CRACR2A: variants seen among roughly 807,000 people sequenced by gnomAD.
CRACR2A encodes EF-hand calcium-binding domain-containing protein 4B.
A neutral mutation model predicts 90.5 loss-of-function variants in CRACR2A; 79 were observed. The ratio of observed to expected loss-of-function variants is 0.87; its 90% CI spans 0.73 to 1.05. The LOEUF is 1.05. Among genes scored for constraint, CRACR2A ranks in the 50% least tolerant of loss-of-function variants. The pLI, the probability that CRACR2A is intolerant of heterozygous loss-of-function variation, is 0.00. For synonymous variants in CRACR2A, 338 were observed against 356.7 expected (o/e 0.95, Z 0.59); for missense variants, 823 against 897.2 (o/e 0.92, Z 1.06).
intron 11 of CRACR2A, among the ~76,000 whole-genome samples, chr12:3,645,150 T>G (rs10774162): frequency 0.86 from 131,079 of 152,254 alleles, 56,615 homozygotes; most frequent in East Asian, 1. Context: ...TTAGTGGAGG[T>G]ATAACTGTTA....
In CRACR2A at chr12:3,659,822, C is replaced by T. The variant is rs368149630; in HGVS notation, c.672-168G>A. Among the ~76,000 whole-genome samples, 6 of 152,222 alleles carry T rather than the reference C, an allele frequency of 3.9e-5. 1 individual carries two copies. The highest frequency in any genetic ancestry group is 3.3e-4 in the Admixed American group (5 of 15,298). ...ATCAGTCCCTCATGATCAGCTAACCCGACAAGGGATGCAGACCACAGAGGC... is the reference window on the plus strand; with the variant it reads ...ATCAGTCCCTCATGATCAGCTAACCTGACAAGGGATGCAGACCACAGAGGC... On this transcript the variant is annotated intron_variant, in intron 7 of 19. Transcript: ENST00000440314.
At chr12:3,695,831 CA>C (rs1945729805) in intron 4 of CRACR2A, among the ~76,000 whole-genome samples, 1 of 152,188 alleles carries the variant, frequency 6.6e-6, no homozygotes, top group African/African-American at 2.4e-5. Context: ...CACCCATGTT[CA>C]AGTGAAATCT....
chr12:3,654,306 C>A lies in CRACR2A; in HGVS notation c.952G>T (p.Glu318Ter). Residue 318 changes from glutamate (E) to a stop codon, truncating the protein, a stop_gained, in exon 10 of 20, where the codon GAG becomes TAG. Coordinates refer to ENST00000440314, the MANE Select transcript of CRACR2A (RefSeq NM_001144958.2). LOFTEE classifies it high-confidence loss of function. ...LKLTNQELAR[E>*]LERTSWELQD... is the part of the protein sequence containing the mutation. ...AGCTCCCAGGAAGTCCGCTCCAGCT[C>A]CCGGGCCAGCTCCTGGTTAGTGAGT... 6.2e-7 allele frequency: 1 copy of A among 1,614,046 alleles called. No homozygotes were observed. The highest frequency in any genetic ancestry group is 2.2e-5 in the East Asian group (1 of 44,872).
At chr12:3,648,257 G>A (rs1944726111) in intron 11 of CRACR2A, 1 of 1,310,936 alleles carries the variant, frequency 7.6e-7, no homozygotes, top group South Asian at 2.6e-5. Flanking sequence ...CTGCTCGCAT[G>A]AGATCAAGTA....
intron 6 of CRACR2A, among the ~76,000 whole-genome samples, chr12:3,678,315 C>G (rs1006596670): frequency 1.3e-5 from 2 of 152,118 alleles, no homozygotes; most frequent in African/African-American, 4.8e-5. Context: ...AGATCTCAGC[C>G]ATCTACAATT....
In CRACR2A at chr12:3,746,079, T is replaced by C. The variant is rs959816992; in HGVS notation, c.-387+6936A>G. Among the ~76,000 whole-genome samples the C allele has an allele frequency of 6.6e-6, 1 of 152,200 alleles. No homozygotes were observed. Among genetic ancestry groups the C allele is most frequent in the African/African-American group, 2.4e-5 (1 of 41,456 alleles). On this transcript the variant is annotated intron_variant, in intron 1 of 19. Transcript: ENST00000440314. The surrounding 1 kb of genome is among the most constrained non-coding windows in gnomAD (Gnocchi z 4.4). ...TGCTTCCCAGCCTGGGCTGTACTTC[T>C]AGGTGCAGCTCAAATCCTACCTCCT...
intron 14 of CRACR2A, among the ~76,000 whole-genome samples, chr12:3,635,765 C>CAA (rs1338121522): frequency 3.9e-5 from 6 of 152,058 alleles, no homozygotes; most frequent in Admixed American, 3.9e-4. Context: ...CATGGCCTCC[C>CAA]AAAGTGCTGG....
At chr12:3,735,312 G>A (rs965181350) in intron 1 of CRACR2A, among the ~76,000 whole-genome samples, 3 of 152,188 alleles carry the variant, frequency 2.0e-5, no homozygotes, top group South Asian at 2.1e-4. Context: ...CAGGGTGCAC[G>A]CAAGCCTGTG....
chr12:3,742,636 T>G (rs977943049), intron 1 of CRACR2A, among the ~76,000 whole-genome samples: 1 of 152,218 alleles, frequency 6.6e-6, no homozygotes. Context: ...GTAGGCACAT[T>G]CTACAGCCTG....
At chr12:3,645,203 T>C (rs568572745) in intron 11 of CRACR2A, among the ~76,000 whole-genome samples, 1 of 152,134 alleles carries the variant, frequency 6.6e-6, no homozygotes, top group Admixed American at 6.5e-5. Context: ...GAAGCCAGAG[T>C]GTGGAGTAGT....
At chr12:3,710,086 T>C (rs1436400993) in intron 3 of CRACR2A, among the ~76,000 whole-genome samples, 1 of 152,180 alleles carries the variant, frequency 6.6e-6, no homozygotes, top group Non-Finnish European at 1.5e-5. Context: ...CTGTCTAAAA[T>C]GCAGACCTGA....
chr12:3,645,462 C>T (rs1944666648), intron 11 of CRACR2A, among the ~76,000 whole-genome samples: 1 of 151,872 alleles, frequency 6.6e-6, no homozygotes, highest in African/African-American at 2.4e-5. Context: ...GGACACTGTA[C>T]GAACTTTGAT....
rs191232498 is a variant in CRACR2A, at chr12:3,648,055, C to T, written c.1118+487G>A. On this transcript the variant is annotated intron_variant, in intron 11 of 19. Coordinates refer to ENST00000440314, the MANE Select transcript of CRACR2A (RefSeq NM_001144958.2). ...TCAACAAACATGAACAGAACACAGCCGAGTTACGGATTTCCATTCTGGCCC... is the reference window on the plus strand; with the variant it reads ...TCAACAAACATGAACAGAACACAGCTGAGTTACGGATTTCCATTCTGGCCC... 3.2e-4 allele frequency: 321 copies of T among 991,450 alleles called. 1 individual carries two copies. In the African/African-American group the frequency reaches 4.8e-3, roughly 15 times the overall value. The allele number at this position is 991,450 out of a possible 1,614,324, so 61.4% of individuals were successfully genotyped here. A position where few individuals can be genotyped will look rare whatever the true frequency, so the allele number is the denominator to read the frequency against.
chr12:3,619,523 G>T (rs10437826), intron 17 of CRACR2A, among the ~76,000 whole-genome samples, 151 bp from the exon 18 acceptor site: 86,109 of 152,006 alleles, frequency 0.57, 24,770 homozygotes, highest in African/African-American at 0.66. Context: ...CCTGAAAGCA[G>T]AAAACAGCCG....
chr12:3,659,475 G>C, intron 8 of CRACR2A, 89 bp downstream of exon 8: 2 of 1,133,988 alleles, frequency 1.8e-6, no homozygotes, highest in Non-Finnish European at 1.3e-6. Flanking sequence ...ATAGTGCATG[G>C]ATGGGGGCAC....
intron 2 of CRACR2A, chr12:3,728,457 C>T (rs1946305567): frequency 6.6e-6 from 1 of 152,198 alleles, no homozygotes; most frequent in Non-Finnish European, 1.5e-5. Context: ...GAGAGATAAA[C>T]AGCACATTAC....
chr12:3,719,208 C>T (rs1414993583), intron 2 of CRACR2A, among the ~76,000 whole-genome samples: 1 of 152,210 alleles, frequency 6.6e-6, no homozygotes, highest in Non-Finnish European at 1.5e-5. Flanking sequence ...TACTGAATCC[C>T]TTACCTCCCA....
At chr12:3,706,073 T>C (rs111898930) in intron 3 of CRACR2A, among the ~76,000 whole-genome samples, 3 of 152,342 alleles carry the variant, frequency 2.0e-5, no homozygotes, top group African/African-American at 7.2e-5. Flanking sequence ...CTTTAGAAAG[T>C]ATCCCCTCAA....
chr12:3,659,263 G>A (rs759123684), intron 8 of CRACR2A, among the ~76,000 whole-genome samples: 28 of 152,168 alleles, frequency 1.8e-4, no homozygotes, highest in Non-Finnish European at 3.8e-4. Flanking sequence ...ACAAACACTT[G>A]TTGAGCACCT....
Sources: gnomAD v4.1 joint callset for allele counts (sites outside exome capture counted in the v4.1 genomes callset) on GRCh38, gnomAD v4.1.1 for gene constraint, Gnocchi (gnomAD v3.1) non-coding constraint, MANE v1.5 for transcripts, NCBI Gene and HGNC (gene_info 2026-07-23, HGNC 2026-07-21) for gene names.